CSMD1: variants seen among roughly 807,000 people sequenced by gnomAD.
CSMD1 encodes the protein CUB and Sushi multiple domains 1.
CSMD1 carries 213 observed loss-of-function variants against 417.5 expected under a neutral mutation model. That is an observed-to-expected ratio of 0.51 (90% CI 0.46 to 0.57). CSMD1 has a LOEUF of 0.57. Ranked by LOEUF, CSMD1 falls within the 20% of genes least tolerant of loss-of-function variation. CSMD1 has a pLI of 0.00. For synonymous variants in CSMD1, 2,862 were observed against 1,736.8 expected, an observed-to-expected ratio of 1.65 and a Z score of -16.11; for missense variants, 6,923 against 4,529.7, an observed-to-expected ratio of 1.53 and a Z score of -15.17.
rs141932997 is a variant in CSMD1, at chr8:4,790,819, T to G, written c.86-153261A>C. On this transcript the variant is annotated intron_variant, in intron 1 of 69. Transcript: ENST00000635120. ...AACTAAATTCCTACCTTTCACCATA[T>G]AAGAAAATCAACACAACATGAATTA... Among the ~76,000 whole-genome samples, 255 of 152,218 alleles carry G rather than the reference T, an allele frequency of 1.7e-3. 2 individuals carry two copies. The highest frequency in any genetic ancestry group is 1.4e-3 in the Non-Finnish European group (98 of 68,020).
intron 1 of CSMD1, among the ~76,000 whole-genome samples, chr8:4,960,178 C>T (rs1165652794): frequency 6.6e-6 from 1 of 152,122 alleles, no homozygotes; most frequent in Non-Finnish European, 1.5e-5. Context: ...TTCAATATTT[C>T]TAAAGATCAC....
At chr8:3,495,016 T>A (rs1401312781) in intron 10 of CSMD1, among the ~76,000 whole-genome samples, 1 of 152,216 alleles carries the variant, frequency 6.6e-6, no homozygotes, top group Non-Finnish European at 1.5e-5. Context: ...ATTTGCTACT[T>A]GAAATTCTTA....
chr8:3,741,518 C>T (rs1796803095), intron 6 of CSMD1, among the ~76,000 whole-genome samples: 4 of 152,138 alleles, frequency 2.6e-5, no homozygotes, highest in South Asian at 4.1e-4. Context: ...TTTTGTTTTA[C>T]AGTTTTTAGT....
intron 4 of CSMD1, among the ~76,000 whole-genome samples, chr8:4,016,602 G>C (rs192825125): frequency 1.3e-5 from 2 of 152,284 alleles, no homozygotes; most frequent in African/African-American, 4.8e-5. Flanking sequence ...TTCCCCAGAT[G>C]AGGAAAATTA....
intron 37 of CSMD1, among the ~76,000 whole-genome samples, chr8:3,174,865 T>C (rs990254414): frequency 2.6e-5 from 4 of 152,180 alleles, no homozygotes; most frequent in Non-Finnish European, 5.9e-5. Flanking sequence ...GAGAAGGCAG[T>C]TTATCACTTT....
intron 54 of CSMD1, among the ~76,000 whole-genome samples, chr8:2,983,332 A>G (rs1585092350): frequency 6.6e-6 from 1 of 151,922 alleles, no homozygotes; most frequent in South Asian, 2.1e-4. Context: ...TACTACAGGC[A>G]CCCGCCACCA....
At chr8:4,103,206 G>A (rs1483104773) in intron 3 of CSMD1, among the ~76,000 whole-genome samples, 1 of 151,340 alleles carries the variant, frequency 6.6e-6, no homozygotes, top group Non-Finnish European at 1.5e-5. Context: ...CTAACAAAAA[G>A]GTAAATATAT....
At chr8:4,181,013 A>G (rs1397257244) in intron 3 of CSMD1, among the ~76,000 whole-genome samples, 1 of 152,202 alleles carries the variant, frequency 6.6e-6, no homozygotes, top group East Asian at 1.9e-4. Context: ...GAATAAAAGC[A>G]AAAAAGTCCA....
chr8:4,989,774 C>G (rs1250444968), intron 1 of CSMD1, among the ~76,000 whole-genome samples: 1 of 152,168 alleles, frequency 6.6e-6, no homozygotes, highest in African/African-American at 2.4e-5. Flanking sequence ...AGCTTAGAAA[C>G]GTCTTCACTG....
Position 4,058,150 on chromosome 8 carries a change from C to T in CSMD1, c.416-26051G>A, listed in dbSNP as rs555314963. ...AGCATGGCCATTTTCACGATATTGA[C>T]TCTTCCTACCCATGAGCATGGAATG... On this transcript the variant is annotated intron_variant, in intron 3 of 69. Coordinates refer to ENST00000635120, the MANE Select transcript of CSMD1 (RefSeq NM_033225.6). Among the ~76,000 whole-genome samples, 452 of 152,232 alleles carry T rather than the reference C, an allele frequency of 3.0e-3. 2 individuals carry two copies. Among genetic ancestry groups the T allele is most frequent in the African/African-American group, 0.01 (430 of 41,536 alleles).
intron 4 of CSMD1, among the ~76,000 whole-genome samples, chr8:4,015,031 T>G (rs572640657): frequency 1.3e-5 from 2 of 152,318 alleles, no homozygotes; most frequent in South Asian, 2.1e-4. Flanking sequence ...AATCTAAGAC[T>G]GATTTTTTTG....
At chr8:4,419,268 C>A (rs1238057) in intron 3 of CSMD1, among the ~76,000 whole-genome samples, 1 of 152,120 alleles carries the variant, frequency 6.6e-6, no homozygotes, top group East Asian at 1.9e-4. Flanking sequence ...AAATCTCCAT[C>A]CAAAACAAAA....
intron 5 of CSMD1, among the ~76,000 whole-genome samples, chr8:3,903,099 C>T (rs992499053): frequency 1.3e-5 from 2 of 152,132 alleles, no homozygotes; most frequent in African/African-American, 2.4e-5. Flanking sequence ...TGCTTGTCTG[C>T]TGAGCTAGGT....
At chr8:3,835,450 C>G (rs1802628372) in intron 5 of CSMD1, among the ~76,000 whole-genome samples, 1 of 151,978 alleles carries the variant, frequency 6.6e-6, no homozygotes, top group East Asian at 1.9e-4. Flanking sequence ...CCATCATTCT[C>G]AGCAAACTAC....
intron 10 of CSMD1, among the ~76,000 whole-genome samples, chr8:3,507,886 C>T (rs898880956): frequency 4.0e-5 from 6 of 151,758 alleles, no homozygotes; most frequent in African/African-American, 1.5e-4. Context: ...TGTTTGAGTT[C>T]ATTGTAGATT....
intron 4 of CSMD1, among the ~76,000 whole-genome samples, chr8:4,015,059 T>C (rs1470929105): frequency 6.6e-6 from 1 of 152,190 alleles, no homozygotes; most frequent in East Asian, 1.9e-4. Flanking sequence ...TTAATTTTGA[T>C]ACGATTTACA....
rs958902214 is a variant in CSMD1 at position 3,825,862 on chromosome 8, T to C, written c.819-71820A>G. 2.0e-5 allele frequency among the ~76,000 whole-genome samples: 3 copies of C among 152,342 alleles called. 1 individual carries two copies. The highest frequency in any genetic ancestry group is 4.1e-4 in the South Asian group (2 of 4,826). Reference sequence around the variant, plus strand: ...GAAATAGACATATAGAGACGCATTGTACACTAGGGCAAGATCAGAAACCAA... The same window carrying C: ...GAAATAGACATATAGAGACGCATTGCACACTAGGGCAAGATCAGAAACCAA... On this transcript the variant is annotated intron_variant, in intron 5 of 69. Transcript: ENST00000635120.
chr8:3,852,791 C>G (rs981655114), intron 5 of CSMD1, among the ~76,000 whole-genome samples: 1 of 152,118 alleles, frequency 6.6e-6, no homozygotes, highest in Non-Finnish European at 1.5e-5. Flanking sequence ...CCTCTTCTGT[C>G]TCCTCCAAGC....
intron 1 of CSMD1, among the ~76,000 whole-genome samples, chr8:4,888,774 C>CA (rs1444306354): frequency 6.6e-6 from 1 of 151,964 alleles, no homozygotes; most frequent in African/African-American, 2.4e-5. Flanking sequence ...AGAACATTTC[C>CA]AAAAATCACA....
Sources: allele counts gnomAD v4.1 joint callset (sites outside exome capture counted in the v4.1 genomes callset), GRCh38; gene constraint gnomAD v4.1.1; transcripts MANE v1.5; gene names NCBI Gene and HGNC (gene_info 2026-07-23, HGNC 2026-07-21).